PYGB: variants seen among roughly 807,000 people sequenced by gnomAD.
The protein encoded by PYGB is glycogen phosphorylase B.
PYGB carries 82 observed loss-of-function variants against 94.3 expected under a neutral mutation model. The observed-to-expected ratio is 0.87, with a 90% confidence interval of 0.73 to 1.04. PYGB has a LOEUF of 1.04. Ranked by LOEUF, PYGB falls within the 50% of genes least tolerant of loss-of-function variation. The pLI is 0.00. For synonymous variants in PYGB, 488 were observed against 479.1 expected, an observed-to-expected ratio of 1.02 and a Z score of -0.24; for missense variants, 1,132 against 1,158.2, an observed-to-expected ratio of 0.98 and a Z score of 0.33.
rs201024175 is a variant in PYGB, at chr20:25,283,229, G to A, written c.1572G>A (p.Pro524=). Residue 524 remains proline (P), a synonymous_variant, in exon 13 of 20, where the codon CCG becomes CCA. Transcript: ENST00000216962. The part of the protein sequence containing the change: ...TDLSQLKKLL[P]LVSDEVFIRD... ...TGAGCCAGCTGAAGAAGCTGCTGCC[G>A]CTGGTCAGTGACGAGGTGTTCATCA... 52 of 1,613,876 alleles carry A rather than the reference G, an allele frequency of 3.2e-5. No individual in the cohort carries two copies. The East Asian group carries it at 7.4e-4, about 23-fold the overall frequency.
At chr20:25,290,238 A>C (rs544359160) in intron 15 of PYGB, among the ~76,000 whole-genome samples, 3 of 152,304 alleles carry the variant, frequency 2.0e-5, no homozygotes, top group Admixed American at 6.5e-5. Flanking sequence ...ACCTAACAAC[A>C]ACCAGAAAAC....
At chr20:25,294,101 C>G in intron 17 of PYGB, 57 bp from the exon 18 acceptor site, 1 of 1,592,002 alleles carries the variant, frequency 6.3e-7, no homozygotes, top group South Asian at 1.1e-5. Flanking sequence ...ATGGCTTGTT[C>G]TCCAAGGTGG....
In PYGB at chr20:25,290,593, A is replaced by G; in HGVS notation, c.1940A>G (p.Glu647Gly). 1.2e-6 allele frequency: 2 copies of G among 1,606,922 alleles called. No individual in the cohort carries two copies. The highest frequency in any genetic ancestry group is 8.5e-7 in the Non-Finnish European group (1 of 1,173,856). Reference sequence around the variant, plus strand: ...GACAGGTTGAAAGTGATCTTCCTGGAGAACTACCGTGTGTCCTTGGCTGAG... The same window carrying G: ...GACAGGTTGAAAGTGATCTTCCTGGGGAACTACCGTGTGTCCTTGGCTGAG... ...VGDRLKVIFLENYRVSLAEKV... is the reference protein window; with the variant it reads ...VGDRLKVIFLGNYRVSLAEKV... The change falls in exon 16 of 20, where the codon GAG becomes GGG. Residue 647 changes from glutamate to glycine, a missense_variant. Glu to Gly is a moderately conservative substitution (Grantham distance 98). Coordinates refer to ENST00000216962, the MANE Select transcript of PYGB (RefSeq NM_002862.4).
In PYGB at chr20:25,295,616, T is replaced by G. The variant is rs745625366; in HGVS notation, c.2325T>G (p.Phe775Leu). The G allele has an allele frequency of 6.2e-7, 1 of 1,613,982 alleles. No homozygotes were observed. Among genetic ancestry groups the G allele is most frequent in the Non-Finnish European group, 8.5e-7 (1 of 1,179,962 alleles). Reference sequence around the variant, plus strand: ...TCTCCCATTCCAGGTTCAAGGTGTTTGCAGACTATGAAGCCTACATGCAGT... The same window carrying G: ...TCTCCCATTCCAGGTTCAAGGTGTTGGCAGACTATGAAGCCTACATGCAGT... Reference protein sequence around the residue: ...MLMHHDRFKVFADYEAYMQCQ... With the variant: ...MLMHHDRFKVLADYEAYMQCQ... Residue 775 changes from phenylalanine (F) to leucine (L), a missense_variant, in exon 19 of 20, where the codon TTT becomes TTG. By Grantham distance (22) the Phe-to-Leu change is conservative. Coordinates refer to ENST00000216962, the MANE Select transcript of PYGB (RefSeq NM_002862.4).
chr20:25,292,670 T>C, intron 17 of PYGB, 57 bp downstream of exon 17: 3 of 1,563,402 alleles, frequency 1.9e-6, no homozygotes, highest in South Asian at 2.3e-5. Context: ...TGAAGGGTGT[T>C]GGGCTGGGGG....
intron 4 of PYGB, among the ~76,000 whole-genome samples, 155 bp from the exon 5 acceptor site, chr20:25,274,437 G>A (rs191083126): frequency 6.1e-4 from 93 of 152,294 alleles, no homozygotes; most frequent in Middle Eastern, 3.4e-3. Context: ...CGTGGGCTTC[G>A]CCAGAAGTGG....
intron 1 of PYGB, among the ~76,000 whole-genome samples, chr20:25,257,885 A>G (rs918644976): frequency 6.6e-6 from 1 of 152,210 alleles, no homozygotes; most frequent in East Asian, 1.9e-4. Context: ...GGCAGGTGCT[A>G]TGGAAACCCC....
chr20:25,296,476 A>T lies in PYGB; in HGVS notation c.2486A>T (p.Glu829Val). ...TATGCACGGGAGATCTGGGGTGTGG[A>T]GCCCTCCGACCTGCAGATCCCGCCC... is the stretch of plus-strand genomic sequence containing the variant. Reference protein sequence around the residue: ...TEYAREIWGVEPSDLQIPPPN... With the variant: ...TEYAREIWGVVPSDLQIPPPN... Residue 829 changes from glutamate (E) to valine (V), a missense_variant, in exon 20 of 20, where the codon GAG (glutamate) becomes GTG (valine). By Grantham distance (121) the Glu-to-Val change is moderately radical (BLOSUM62 -2). Coordinates refer to ENST00000216962, the MANE Select transcript of PYGB (RefSeq NM_002862.4). 1 of 1,613,748 alleles carries T rather than the reference A, an allele frequency of 6.2e-7. No individual in the cohort carries two copies. Among genetic ancestry groups the T allele is most frequent in the Non-Finnish European group, 8.5e-7 (1 of 1,179,974 alleles).
At position 25,278,182 on chromosome 20, in the gene PYGB, A is replaced by G. The variant is rs564444692; in HGVS notation, c.856-137A>G. The G allele has an allele frequency of 3.7e-5, 36 of 960,172 alleles. No individual in the cohort carries two copies. In the East Asian group the frequency reaches 1.1e-3, roughly 30 times the overall value. 59.5% of individuals were successfully genotyped at this position (960,172 alleles called of 1,614,324 possible). On this transcript the variant is annotated intron_variant, in intron 7 of 19. Coordinates refer to ENST00000216962, the MANE Select transcript of PYGB (RefSeq NM_002862.4). Reference sequence around the variant, plus strand: ...CTCAGTGACCTGAGGGCACACAGGCAGGCCCCAGTGTCAGGCAGCTGGGCT... The same window carrying G: ...CTCAGTGACCTGAGGGCACACAGGCGGGCCCCAGTGTCAGGCAGCTGGGCT...
At chr20:25,294,029 G>A (rs912305651) in intron 17 of PYGB, 129 bp from the exon 18 acceptor site, 1 of 1,300,356 alleles carries the variant, frequency 7.7e-7, no homozygotes, top group Non-Finnish European at 1.1e-6. Context: ...CTGCTGCCCT[G>A]GACCGTGCAG....
intron 5 of PYGB, among the ~76,000 whole-genome samples, chr20:25,275,401 G>T (rs868340022): frequency 6.6e-6 from 1 of 152,258 alleles, no homozygotes; most frequent in African/African-American, 2.4e-5. Context: ...CAGGGCAGGG[G>T]CTGGCAGGAG....
chr20:25,262,753 A>C (rs1035215279), intron 2 of PYGB, among the ~76,000 whole-genome samples: 1 of 152,012 alleles, frequency 6.6e-6, no homozygotes, highest in Non-Finnish European at 1.5e-5. Flanking sequence ...TAGGCTCAAA[A>C]TAAAGGGATG....
At chr20:25,280,913 T>G (rs758456035) in intron 10 of PYGB, 36 bp from the exon 11 acceptor site, 3 of 1,608,012 alleles carry the variant, frequency 1.9e-6, no homozygotes, top group South Asian at 2.2e-5. Flanking sequence ...TGGGGCCTCC[T>G]GTGCCCACCC....
At chr20:25,288,645 G>T in intron 15 of PYGB, 162 bp downstream of exon 15, 1 of 799,736 alleles carries the variant, frequency 1.3e-6, no homozygotes, top group East Asian at 2.7e-5. Context: ...GGACCCTGTA[G>T]AGAGTCAGAA....
intron 16 of PYGB, 60 bp downstream of exon 16, chr20:25,290,682 A>T: frequency 1.9e-6 from 3 of 1,580,036 alleles, no homozygotes; most frequent in Non-Finnish European, 2.6e-6. Flanking sequence ...CGGGCGTTGT[A>T]CTGGCCCCGG....
intron 4 of PYGB, 147 bp from the exon 5 acceptor site, chr20:25,274,445 T>C (rs2088292514): frequency 8.6e-7 from 1 of 1,164,442 alleles, no homozygotes. Context: ...TCGCCAGAAG[T>C]GGGAATCCCG....
intron 1 of PYGB, among the ~76,000 whole-genome samples, chr20:25,251,651 C>T (rs952819158): frequency 2.0e-5 from 3 of 152,260 alleles, no homozygotes; most frequent in Admixed American, 1.3e-4. Context: ...ATGAGAGTCA[C>T]GGGATCCCTT....
At chr20:25,261,149 T>C (rs2092912579) in intron 2 of PYGB, among the ~76,000 whole-genome samples, 1 of 152,154 alleles carries the variant, frequency 6.6e-6, no homozygotes, top group Admixed American at 6.5e-5. Context: ...AGTACAGAGT[T>C]TGAGATCTGA....
intron 6 of PYGB, 99 bp from the exon 7 acceptor site, chr20:25,277,145 C>T (rs908684966): frequency 3.4e-5 from 31 of 922,182 alleles, no homozygotes; most frequent in African/African-American, 1.3e-4. Context: ...GTCCTGTGCT[C>T]GAGCGAGTTT....
Sources: gnomAD v4.1 joint callset for allele counts (sites outside exome capture counted in the v4.1 genomes callset) on GRCh38, gnomAD v4.1.1 for gene constraint, MANE v1.5 for transcripts, NCBI Gene and HGNC (gene_info 2026-07-23, HGNC 2026-07-21) for gene names.